CNTN1: variants seen among roughly 807,000 people sequenced by gnomAD.
CNTN1 encodes contactin-1.
Under a neutral mutation model 126.4 loss-of-function variants are expected in CNTN1, and 38 were observed. That is an observed-to-expected ratio of 0.30 (90% confidence interval 0.23 to 0.39). CNTN1 has a LOEUF of 0.39. CNTN1 is among the 10% of genes least tolerant of loss of function. The pLI is 1.00. For synonymous variants in CNTN1, 413 were observed against 422.6 expected (o/e 0.98, Z 0.28); for missense variants, 1,009 against 1,248.4 (o/e 0.81, Z 2.89).
rs147669137 is a variant in CNTN1 at position 40,872,808 on chromosome 12, C to T, written c.-76-35549C>T. Among the ~76,000 whole-genome samples the T allele has an allele frequency of 5.2e-3, 797 of 152,100 alleles. 3 individuals carry two copies. The highest frequency in any genetic ancestry group is 0.01 in the Middle Eastern group (3 of 294). On this transcript the variant is annotated intron_variant, in intron 1 of 23. Coordinates refer to ENST00000551295, the MANE Select transcript of CNTN1 (RefSeq NM_001843.4). Reference sequence around the variant, plus strand: ...AACTCCTGACCTTGTGATCCACCCACCTCGGCCTCCCAAAATGCCGGGATT... The same window carrying T: ...AACTCCTGACCTTGTGATCCACCCATCTCGGCCTCCCAAAATGCCGGGATT...
chr12:41,039,915 C>A (rs1211478469), intron 23 of CNTN1, among the ~76,000 whole-genome samples: 1 of 152,034 alleles, frequency 6.6e-6, no homozygotes, highest in Admixed American at 6.6e-5. Context: ...GTAACAAACT[C>A]TCAACTCAAC....
Position 40,808,798 on chromosome 12 carries a change from A to G in CNTN1, c.-76-99559A>G, listed in dbSNP as rs148384994. Reference sequence around the variant, plus strand: ...ATTTGCGAAAGAAAGAGCTCAAGTCAAGGTTAGCCAATAAAAACAAACGAA... The same window carrying G: ...ATTTGCGAAAGAAAGAGCTCAAGTCGAGGTTAGCCAATAAAAACAAACGAA... On this transcript the variant is annotated intron_variant, in intron 1 of 23. Coordinates refer to ENST00000551295, the MANE Select transcript of CNTN1 (RefSeq NM_001843.4). 1.2e-3 allele frequency among the ~76,000 whole-genome samples: 189 copies of G among 152,296 alleles called. 4 individuals carry two copies. Among genetic ancestry groups the G allele is most frequent in the Admixed American group, 0.012 (181 of 15,288 alleles).
intron 1 of CNTN1, among the ~76,000 whole-genome samples, chr12:40,747,305 ATGTGTG>A (rs58826763): frequency 6.7e-6 from 1 of 148,250 alleles, no homozygotes; most frequent in Non-Finnish European, 1.5e-5. Flanking sequence ...TTGTGAAGGG[ATGTGTG>A]TGTGTGTGTG....
intron 1 of CNTN1, among the ~76,000 whole-genome samples, chr12:40,710,674 A>G (rs1941890198): frequency 6.6e-6 from 1 of 152,204 alleles, no homozygotes; most frequent in South Asian, 2.1e-4. Context: ...AAGGTGGTAG[A>G]TATGAATATA....
At chr12:40,723,874 C>T (rs1328149222) in intron 1 of CNTN1, among the ~76,000 whole-genome samples, 1 of 152,088 alleles carries the variant, frequency 6.6e-6, no homozygotes, top group Non-Finnish European at 1.5e-5. Context: ...GTAGCAGGGC[C>T]TCATTATGAC....
intron 15 of CNTN1, among the ~76,000 whole-genome samples, chr12:40,959,848 T>C (rs897094269): frequency 1.3e-5 from 2 of 152,132 alleles, no homozygotes; most frequent in Non-Finnish European, 2.9e-5. Context: ...AATAAAGAGC[T>C]GGCTCTTCAC....
Position 40,843,702 on chromosome 12 carries a change from A to G in CNTN1, c.-76-64655A>G, listed in dbSNP as rs151039127. ...ACTTAAAGGGCAAATTATATAATAC[A>G]AATTGTTTAGAGATAAATGCCCTGC... On this transcript the variant is annotated intron_variant, in intron 1 of 23. Coordinates refer to ENST00000551295, the MANE Select transcript of CNTN1 (RefSeq NM_001843.4). Among the ~76,000 whole-genome samples, 35 of 152,342 alleles carry G rather than the reference A, an allele frequency of 2.3e-4. 1 individual carries two copies. Among genetic ancestry groups the G allele is most frequent in the African/African-American group, 7.7e-4 (32 of 41,570 alleles).
chr12:40,930,917 A>G (rs1945861833), intron 7 of CNTN1, among the ~76,000 whole-genome samples: 1 of 151,980 alleles, frequency 6.6e-6, no homozygotes, highest in Admixed American at 6.6e-5. Context: ...TACTTCATAG[A>G]CTGAAAAGGA....
chr12:40,815,216 C>T (rs1443249606), intron 1 of CNTN1, among the ~76,000 whole-genome samples: 2 of 152,146 alleles, frequency 1.3e-5, no homozygotes, highest in East Asian at 1.9e-4. Flanking sequence ...ATGGGAATAG[C>T]ATTGAATCTA....
chr12:41,056,259 A>G (rs1045763296), intron 23 of CNTN1, among the ~76,000 whole-genome samples: 3 of 152,214 alleles, frequency 2.0e-5, no homozygotes, highest in Admixed American at 6.6e-5. Context: ...AAATAACACA[A>G]TTAGCTAATT....
chr12:40,901,462 A>T (rs564779013), intron 1 of CNTN1, among the ~76,000 whole-genome samples: 4 of 152,294 alleles, frequency 2.6e-5, no homozygotes, highest in Non-Finnish European at 5.9e-5. Context: ...CAAGCATCTG[A>T]TTTTAATCAA....
intron 1 of CNTN1, among the ~76,000 whole-genome samples, chr12:40,807,345 A>G (rs1322446580): frequency 6.6e-6 from 1 of 152,116 alleles, no homozygotes; most frequent in Non-Finnish European, 1.5e-5. Flanking sequence ...CCCCATCCCT[A>G]CATGGTGAGT....
chr12:40,761,822 C>T (rs1938875409), intron 1 of CNTN1, among the ~76,000 whole-genome samples: 1 of 152,134 alleles, frequency 6.6e-6, no homozygotes, highest in Non-Finnish European at 1.5e-5. Flanking sequence ...ATAGGCTAAA[C>T]TTCTAAGCTT....
chr12:40,705,075 C>T (rs10748141), intron 1 of CNTN1, among the ~76,000 whole-genome samples: 150,231 of 152,322 alleles, frequency 0.99, 74,106 homozygotes, highest in Middle Eastern at 1. Flanking sequence ...TCTTTGTTTC[C>T]TCTTTACTTT....
intron 1 of CNTN1, among the ~76,000 whole-genome samples, chr12:40,887,469 A>G (rs1219961030): frequency 1.3e-5 from 2 of 152,222 alleles, no homozygotes; most frequent in African/African-American, 4.8e-5. Flanking sequence ...ATGAGATACC[A>G]TCTCACACCA....
At chr12:40,923,477 G>C (rs1199025567) in intron 5 of CNTN1, among the ~76,000 whole-genome samples, 1 of 152,170 alleles carries the variant, frequency 6.6e-6, no homozygotes, top group Non-Finnish European at 1.5e-5. Context: ...AGTGTGGTGA[G>C]AGTGGAAATG....
Position 40,718,314 on chromosome 12 carries a change from A to G in CNTN1, c.-77+25722A>G, listed in dbSNP as rs547843753. Among the ~76,000 whole-genome samples, 8 of 151,682 alleles carry G rather than the reference A, an allele frequency of 5.3e-5. No individual in the cohort carries two copies. The South Asian group carries it at 1.7e-3, about 32-fold the overall frequency. ...CTCCTGAGTAGCTGGGACTACAGGC[A>G]CGTGCTACCATGCCCGGCTAATTTT... On this transcript the variant is annotated intron_variant, in intron 1 of 23. Coordinates refer to ENST00000551295, the MANE Select transcript of CNTN1 (RefSeq NM_001843.4).
At chr12:40,898,378 G>T (rs1944487951) in intron 1 of CNTN1, among the ~76,000 whole-genome samples, 1 of 151,982 alleles carries the variant, frequency 6.6e-6, no homozygotes, top group Non-Finnish European at 1.5e-5. Flanking sequence ...GGATTACTTT[G>T]TTATATATTC....
chr12:40,879,580 C>A (rs1943803315), intron 1 of CNTN1, among the ~76,000 whole-genome samples: 2 of 151,942 alleles, frequency 1.3e-5, no homozygotes, highest in Non-Finnish European at 2.9e-5. Context: ...AGGAGTGAGA[C>A]AAAAATCAAG....
Sources: gnomAD v4.1 joint callset for allele counts (sites outside exome capture counted in the v4.1 genomes callset) on GRCh38, gnomAD v4.1.1 for gene constraint, MANE v1.5 for transcripts, NCBI Gene and HGNC (gene_info 2026-07-23, HGNC 2026-07-21) for gene names.